Variants in HPSE2 observed in about 807,000 individuals in gnomAD.
HPSE2 encodes heparanase 2 (inactive).
Under a neutral mutation model 60.5 loss-of-function variants are expected in HPSE2, and 38 were observed. The observed-to-expected ratio is 0.63, with a 90% CI of 0.48 to 0.82. The LOEUF is 0.82. Among genes scored for constraint, HPSE2 ranks in the 40% least tolerant of loss-of-function variants. The probability of loss-of-function intolerance (pLI) is 0.00; values close to 1 mark genes in which losing one functional copy is unlikely to be tolerated. For missense variants in HPSE2, 713 were observed against 740.4 expected (o/e 0.96, Z 0.43); for synonymous variants, 295 against 293.2 (o/e 1.01, Z -0.06).
intron 3 of HPSE2, among the ~76,000 whole-genome samples, chr10:98,943,396 G>T (rs1955080171): frequency 6.6e-6 from 1 of 151,646 alleles, no homozygotes; most frequent in Non-Finnish European, 1.5e-5. Flanking sequence ...TATTAAAATA[G>T]CTTTTAAAAT....
At chr10:99,059,463 C>T (rs958138325) in intron 3 of HPSE2, among the ~76,000 whole-genome samples, 1 of 152,102 alleles carries the variant, frequency 6.6e-6, no homozygotes, top group East Asian at 1.9e-4. Context: ...CTTTCATTCT[C>T]ATTGGCATAA....
intron 3 of HPSE2, among the ~76,000 whole-genome samples, chr10:98,940,969 C>T (rs1488003972): frequency 7.8e-6 from 1 of 128,160 alleles, no homozygotes; most frequent in Non-Finnish European, 1.6e-5. Context: ...ATAAACAGAA[C>T]CAAAGACAAA....
chr10:98,724,154 G>C (rs967251144), intron 4 of HPSE2, among the ~76,000 whole-genome samples: 3 of 151,902 alleles, frequency 2.0e-5, no homozygotes, highest in African/African-American at 7.3e-5. Flanking sequence ...CAGAGATTCT[G>C]GTATGTTGTG....
chr10:98,925,687 T>C (rs1164168910), intron 3 of HPSE2, among the ~76,000 whole-genome samples: 1 of 152,170 alleles, frequency 6.6e-6, no homozygotes, highest in Non-Finnish European at 1.5e-5. Context: ...CAGCCTTTGT[T>C]TGTGTGAGAA....
At chr10:98,842,580 T>C (rs79212735) in intron 3 of HPSE2, among the ~76,000 whole-genome samples, 3,305 of 148,710 alleles carry the variant, frequency 0.022, 119 homozygotes, top group East Asian at 0.17. Context: ...CACAGCAAAA[T>C]AGAGAGCAAG....
chr10:98,674,598 G>A (rs3021452), intron 6 of HPSE2, among the ~76,000 whole-genome samples: 53,679 of 152,174 alleles, frequency 0.35, 9,694 homozygotes, highest in Admixed American at 0.41. Flanking sequence ...TCTCAAGATT[G>A]TGTATAAAAG....
At chr10:98,915,487 A>T (rs898330383) in intron 3 of HPSE2, among the ~76,000 whole-genome samples, 2 of 152,144 alleles carry the variant, frequency 1.3e-5, no homozygotes, top group South Asian at 4.1e-4. Context: ...AAGAAAATAA[A>T]TGTTAAAAGA....
chr10:99,072,664 G>A (rs955891154), intron 3 of HPSE2, among the ~76,000 whole-genome samples: 7 of 152,136 alleles, frequency 4.6e-5, no homozygotes, highest in African/African-American at 1.7e-4. Context: ...GGCGGCTCAT[G>A]CCTATAATCC....
the HPSE2 span, among the ~76,000 whole-genome samples, chr10:99,253,585 A>T: frequency 6.6e-6 from 1 of 152,210 alleles, no homozygotes; most frequent in Non-Finnish European, 1.5e-5. Flanking sequence ...AGCAACTACA[A>T]CAAAAACAAA....
chr10:98,892,322 G>A (rs60109422), intron 3 of HPSE2, among the ~76,000 whole-genome samples: 1 of 152,106 alleles, frequency 6.6e-6, no homozygotes, highest in African/African-American at 2.4e-5. Context: ...TCAAGACTTA[G>A]TATGACTACC....
chr10:98,976,850 C>T (rs1372261825), intron 3 of HPSE2, among the ~76,000 whole-genome samples: 2 of 152,028 alleles, frequency 1.3e-5, no homozygotes, highest in African/African-American at 4.8e-5. Flanking sequence ...GAAATGAGAT[C>T]ATCCTGGACA....
At chr10:98,847,801 A>G (rs934717083) in intron 3 of HPSE2, among the ~76,000 whole-genome samples, 1 of 152,190 alleles carries the variant, frequency 6.6e-6, no homozygotes, top group Non-Finnish European at 1.5e-5. Context: ...ATGGTCTGTC[A>G]ATGAAATTTC....
At chr10:98,968,174 A>G (rs1955861650) in intron 3 of HPSE2, among the ~76,000 whole-genome samples, 1 of 152,144 alleles carries the variant, frequency 6.6e-6, no homozygotes, top group Non-Finnish European at 1.5e-5. Flanking sequence ...AAAATTAATA[A>G]TTTAAATTAT....
At chr10:99,144,126 G>T in intron 3 of HPSE2, 112 bp downstream of exon 3, 2 of 1,065,626 alleles carry the variant, frequency 1.9e-6, no homozygotes, top group Non-Finnish European at 2.8e-6. Context: ...AGAAAGACAA[G>T]TCATCACAAT....
intron 3 of HPSE2, among the ~76,000 whole-genome samples, chr10:98,949,739 C>T (rs1418655500): frequency 6.6e-6 from 1 of 152,074 alleles, no homozygotes; most frequent in African/African-American, 2.4e-5. Context: ...GTTTTTTACA[C>T]ATAGGAAACC....
the HPSE2 span, among the ~76,000 whole-genome samples, chr10:99,306,596 G>A: frequency 3.3e-5 from 5 of 152,172 alleles, no homozygotes; most frequent in Admixed American, 6.5e-5. Context: ...ATGTTGGGTG[G>A]AGTGTGTTGA....
At chr10:98,467,292 T>C (rs1189140439) in intron 11 of HPSE2, among the ~76,000 whole-genome samples, 1 of 152,066 alleles carries the variant, frequency 6.6e-6, no homozygotes, top group Non-Finnish European at 1.5e-5. Context: ...GTCCGCCCAC[T>C]CACACAGGAG....
intron 3 of HPSE2, among the ~76,000 whole-genome samples, chr10:99,084,993 C>A (rs1444788946): frequency 6.6e-6 from 1 of 152,234 alleles, no homozygotes; most frequent in Non-Finnish European, 1.5e-5. Flanking sequence ...TTTCCCTTAC[C>A]TCTAGCACTT....
intron 3 of HPSE2, among the ~76,000 whole-genome samples, chr10:99,001,437 T>C (rs1263253839): frequency 1.3e-5 from 2 of 152,142 alleles, no homozygotes; most frequent in South Asian, 2.1e-4. Flanking sequence ...TCTCTACTTA[T>C]CTGCTTCCAT....
Sources: allele counts gnomAD v4.1 joint callset (sites outside exome capture counted in the v4.1 genomes callset), GRCh38; gene constraint gnomAD v4.1.1; transcripts MANE v1.5; gene names NCBI Gene and HGNC (gene_info 2026-07-23, HGNC 2026-07-21).